Variants in FBN1 observed in about 807,000 individuals in gnomAD.
FBN1 encodes the protein fibrillin-1.
In FBN1, 29 loss-of-function variants were observed where a neutral mutation model predicts 365.1. The observed-to-expected ratio is 0.08, with a 90% CI of 0.06 to 0.11. The LOEUF (loss-of-function observed/expected upper bound fraction) is 0.11. Ranked by LOEUF, FBN1 falls within the 10% of genes least tolerant of loss-of-function variation. FBN1 has a pLI of 1.00. For synonymous variants in FBN1, 1,210 were observed against 1,270.5 expected (o/e 0.95, Z 1.01); for missense variants, 2,476 against 3,703.2 (o/e 0.67, Z 8.60).
At chr15:48,452,494 C>T in intron 45 of FBN1, 68 bp downstream of exon 45, 4 of 1,576,760 alleles carry the variant, frequency 2.5e-6, no homozygotes, top group Non-Finnish European at 3.5e-6. Flanking sequence ...AAAATAAATC[C>T]AGATATCTGA....
intron 2 of FBN1, among the ~76,000 whole-genome samples, chr15:48,620,021 G>A (rs1889737145): frequency 1.3e-5 from 2 of 152,238 alleles, no homozygotes; most frequent in South Asian, 4.1e-4. Flanking sequence ...AAGGGCTCAT[G>A]AGAGGGACTC....
intron 3 of FBN1, 101 bp from the exon 4 acceptor site, chr15:48,610,927 A>G: frequency 1.3e-5 from 12 of 935,006 alleles, no homozygotes; most frequent in Middle Eastern, 2.1e-4. Flanking sequence ...CAGGTCCCTC[A>G]CAAACTTTGC....
intron 6 of FBN1, among the ~76,000 whole-genome samples, chr15:48,588,870 T>C (rs549337988): frequency 1.6e-3 from 241 of 152,314 alleles, no homozygotes; most frequent in South Asian, 3.1e-3. Context: ...CTCCTCAGAT[T>C]GCATGATACC....
intron 6 of FBN1, among the ~76,000 whole-genome samples, chr15:48,586,640 G>A (rs2140696399): frequency 6.6e-6 from 1 of 152,272 alleles, no homozygotes; most frequent in East Asian, 1.9e-4. Context: ...AACCCCAAAG[G>A]ATGAGTGTCT....
intron 5 of FBN1, among the ~76,000 whole-genome samples, chr15:48,598,886 G>A (rs1597624992): frequency 6.6e-6 from 1 of 152,124 alleles, no homozygotes; most frequent in South Asian, 2.1e-4. Context: ...TTGAATCATG[G>A]GGGCAGGTCT....
chr15:48,520,624 T>C lies in FBN1; in HGVS notation c.1147+35A>G, dbSNP rs766179473. 1.9e-6 allele frequency: 3 copies of C among 1,612,454 alleles called. No individual in the cohort carries two copies. The East Asian group carries it at 6.7e-5, about 36-fold the overall frequency. Reference sequence around the variant, plus strand: ...GCCACTGGGCTTGTGAGGGCTGGGATGGGATATTCTGCAGATAACTGGAAG... The same window carrying C: ...GCCACTGGGCTTGTGAGGGCTGGGACGGGATATTCTGCAGATAACTGGAAG... On this transcript the variant is annotated intron_variant, in intron 10 of 65. Coordinates refer to ENST00000316623, the MANE Select transcript of FBN1 (RefSeq NM_000138.5).
chr15:48,451,787 T>C (rs118043703), intron 45 of FBN1, among the ~76,000 whole-genome samples: 3,908 of 152,244 alleles, frequency 0.026, 82 homozygotes, highest in East Asian at 0.083. Context: ...TACAAGAAAA[T>C]CATTCTGAGA....
intron 6 of FBN1, among the ~76,000 whole-genome samples, chr15:48,570,230 A>G (rs558978835): frequency 1.6e-3 from 237 of 152,252 alleles, no homozygotes; most frequent in Non-Finnish European, 2.9e-3. Context: ...CCTGTTTTTT[A>G]GAAGCCATTT....
At chr15:48,617,188 T>C (rs1889671298) in intron 2 of FBN1, among the ~76,000 whole-genome samples, 1 of 152,188 alleles carries the variant, frequency 6.6e-6, no homozygotes, top group African/African-American at 2.4e-5. Context: ...TTTTTTGTTT[T>C]TTTTGAGATG....
intron 6 of FBN1, among the ~76,000 whole-genome samples, chr15:48,567,223 C>T (rs1405550902): frequency 6.6e-6 from 1 of 152,166 alleles, no homozygotes; most frequent in African/African-American, 2.4e-5. Context: ...TTATCAATTT[C>T]ATGGAGTAAT....
intron 18 of FBN1, 104 bp from the exon 19 acceptor site, chr15:48,497,495 C>A: frequency 1.7e-6 from 2 of 1,146,160 alleles, no homozygotes; most frequent in South Asian, 2.7e-5. Context: ...TTAGGAGCTA[C>A]AGGAGGAAAA....
At chr15:48,522,472 G>A (rs996566113) in intron 9 of FBN1, among the ~76,000 whole-genome samples, 8 of 152,038 alleles carry the variant, frequency 5.3e-5, no homozygotes, top group African/African-American at 1.9e-4. Flanking sequence ...CAAAAAGGTT[G>A]GGGACCACTG....
rs1365010331 is a variant in FBN1 at position 48,422,072 on chromosome 15, C to A, written c.7454-4G>T. 6.3e-7 allele frequency: 1 copy of A among 1,591,704 alleles called. No individual in the cohort carries two copies. Among genetic ancestry groups the A allele is most frequent in the Non-Finnish European group, 8.6e-7 (1 of 1,159,844 alleles). On this transcript the variant is annotated splice_polypyrimidine_tract_variant and splice_region_variant and intron_variant, in intron 60 of 65. Coordinates refer to ENST00000316623, the MANE Select transcript of FBN1 (RefSeq NM_000138.5). ...TTGGTTGCACACTCATCAAGATCTA[C>A]AAGAAAATGCAAGAGAGGCATTTGA...
intron 40 of FBN1, 101 bp downstream of exon 40, chr15:48,465,467 T>C (rs56101864): frequency 2.2e-6 from 3 of 1,391,838 alleles, no homozygotes; most frequent in Non-Finnish European, 3.1e-6. Context: ...TAGAACATTG[T>C]GCTACACTGC....
chr15:48,495,971 A>G, intron 20 of FBN1, 129 bp downstream of exon 20: 1 of 1,203,228 alleles, frequency 8.3e-7, no homozygotes, highest in South Asian at 1.3e-5. Flanking sequence ...GCCATGTAGA[A>G]CCACAGAATT....
chr15:48,590,789 A>T (rs1468477888), intron 6 of FBN1, among the ~76,000 whole-genome samples: 1 of 152,028 alleles, frequency 6.6e-6, no homozygotes, highest in African/African-American at 2.4e-5. Context: ...TTTTTATTCT[A>T]CTCCACTTTG....
intron 34 of FBN1, among the ~76,000 whole-genome samples, chr15:48,473,617 G>C (rs1447334360): frequency 1.3e-5 from 2 of 152,050 alleles, no homozygotes; most frequent in Non-Finnish European, 2.9e-5. Flanking sequence ...TCCATAGCAG[G>C]TTTGAAATTT....
intron 13 of FBN1, among the ~76,000 whole-genome samples, chr15:48,510,402 T>C (rs1488749657): frequency 6.6e-6 from 1 of 152,192 alleles, no homozygotes; most frequent in African/African-American, 2.4e-5. Context: ...TAATTTCTAA[T>C]AAGACTCCTT....
chr15:48,495,999 A>G (rs1019135363), intron 20 of FBN1, 101 bp downstream of exon 20: 2 of 1,461,752 alleles, frequency 1.4e-6, no homozygotes, highest in African/African-American at 2.8e-5. Flanking sequence ...AACTGGCATA[A>G]CTGTCTAAAA....
Sources: allele counts gnomAD v4.1 joint callset (sites outside exome capture counted in the v4.1 genomes callset), GRCh38; gene constraint gnomAD v4.1.1; transcripts MANE v1.5; gene names NCBI Gene and HGNC (gene_info 2026-07-23, HGNC 2026-07-21).